ADA2: variants seen among roughly 807,000 people sequenced by gnomAD.
ADA2 encodes adenosine deaminase CECR1.
A neutral mutation model predicts 44.2 loss-of-function variants in ADA2; 29 were observed. That is an observed-to-expected ratio of 0.66 (90% CI 0.49 to 0.89). ADA2 has a LOEUF of 0.89. ADA2 is among the 40% of genes least tolerant of loss of function. The pLI, the probability that ADA2 is intolerant of heterozygous loss-of-function variation, is 0.00. For missense variants in ADA2, 637 were observed against 644.8 expected (o/e 0.99, Z 0.13); for synonymous variants, 215 against 234.9 (o/e 0.92, Z 0.77).
intron 4 of ADA2, chr22:17,199,635 G>T (rs1260738461): frequency 1.9e-6 from 3 of 1,613,706 alleles, no homozygotes; most frequent in African/African-American, 2.7e-5. Flanking sequence ...CGCCATTTGA[G>T]GTGGGCGTGG....
In ADA2 at chr22:17,188,464, G is replaced by A; in HGVS notation, c.973-17C>T. On this transcript the variant is annotated splice_polypyrimidine_tract_variant and intron_variant, in intron 6 of 9. Transcript: ENST00000399837. The stretch of plus-strand genomic sequence containing the variant: ...ATGCCCCACCTGCAGGACAGAGAGG[G>A]ACAGGGAGGTGTCTGCAGGGCGCAT... The A allele has an allele frequency of 1.9e-6, 3 of 1,577,810 alleles. No individual in the cohort carries two copies. The highest frequency in any genetic ancestry group is 2.6e-6 in the Non-Finnish European group (3 of 1,147,588).
Position 17,178,919 on chromosome 22 carries a change from A to G in ADA2, c.*2564T>C, listed in dbSNP as rs1219363337. On this transcript the variant is annotated 3_prime_UTR_variant, in exon 10 of 10. Coordinates refer to ENST00000399837, the MANE Select transcript of ADA2 (RefSeq NM_001282225.2). ...CCTAAAAGATCTTCAGGGATTGGGT[A>G]AGGCACTGAATCACCTGCAGAGTTA... 2.0e-5 allele frequency: 3 copies of G among 152,104 alleles called. No homozygotes were observed. The highest frequency in any genetic ancestry group is 2.1e-4 in the South Asian group (1 of 4,834). 9.4% of individuals were successfully genotyped at this position (152,104 alleles called of 1,614,324 possible).
chr22:17,209,003 C>T (rs1264752542), intron 2 of ADA2, among the ~76,000 whole-genome samples: 4 of 151,778 alleles, frequency 2.6e-5, no homozygotes, highest in East Asian at 2.0e-4. Context: ...TTTATATGTG[C>T]GGGATGCTAA....
chr22:17,182,193 A>T (rs1222140453), intron 8 of ADA2, among the ~76,000 whole-genome samples, 171 bp from the exon 9 acceptor site: 1 of 152,206 alleles, frequency 6.6e-6, no homozygotes, highest in African/African-American at 2.4e-5. Context: ...GAACAGAGCC[A>T]GTCCTTATGC....
At chr22:17,221,638 G>A (rs145318377), upstream of ADA2, 283 of 152,338 alleles carry the variant, frequency 1.9e-3, no homozygotes, top group Non-Finnish European at 3.0e-3. Flanking sequence ...GAGGACTGCA[G>A]GTCCTTGTCA....
At chr22:17,204,865 G>T (rs951740246) in intron 3 of ADA2, among the ~76,000 whole-genome samples, 2 of 147,984 alleles carry the variant, frequency 1.4e-5, no homozygotes, top group African/African-American at 5.0e-5. Context: ...CACAATCACA[G>T]CTCGCTGCAG....
chr22:17,210,243 T>A (rs1481259681), intron 1 of ADA2, among the ~76,000 whole-genome samples: 1 of 140,864 alleles, frequency 7.1e-6, no homozygotes, highest in Non-Finnish European at 1.5e-5. Flanking sequence ...TAGGCTGGAG[T>A]GTAATGGTGT....
intron 8 of ADA2, 96 bp from the exon 9 acceptor site, chr22:17,182,118 A>G: frequency 1.1e-6 from 1 of 915,468 alleles, no homozygotes; most frequent in Admixed American, 2.3e-5. Context: ...AGCTCCCTTC[A>G]TCTTCCCATC....
chr22:17,195,714 T>C lies in ADA2; in HGVS notation c.754-3904A>G, dbSNP rs142056462. ...TCATGTGTCATATCATTCTGACCGA[T>C]AATGCCAATCATGGATTATGTGTTT... is the stretch of plus-strand genomic sequence containing the variant. On this transcript the variant is annotated intron_variant, in intron 4 of 9. Coordinates refer to ENST00000399837, the MANE Select transcript of ADA2 (RefSeq NM_001282225.2). Among the ~76,000 whole-genome samples the C allele has an allele frequency of 4.2e-3, 631 of 151,872 alleles. 6 individuals are homozygous for C. Among genetic ancestry groups the C allele is most frequent in the Middle Eastern group, 6.8e-3 (2 of 294 alleles).
rs1198138443 is a variant in ADA2 at position 17,180,811 on chromosome 22, G to C, written c.*672C>G. ...AGACCACCCAGGAAAAGTGTACAGA[G>C]AGAGAAGAGAAATAAAGAGGAGAGA... On this transcript the variant is annotated 3_prime_UTR_variant, in exon 10 of 10. Coordinates refer to ENST00000399837, the MANE Select transcript of ADA2 (RefSeq NM_001282225.2). 1 of 152,240 alleles carries C rather than the reference G, an allele frequency of 6.6e-6. No individual in the cohort carries two copies. Among genetic ancestry groups the C allele is most frequent in the East Asian group, 1.9e-4 (1 of 5,198 alleles). 9.4% of individuals were successfully genotyped at this position (152,240 alleles called of 1,614,324 possible).
chr22:17,199,435 T>TCCTCTTCCCCTCCCTCCCCACCTCTAA, intron 4 of ADA2: 5 of 994,824 alleles, frequency 5.0e-6, no homozygotes, highest in Non-Finnish European at 8.0e-6. Context: ...CCCTCCTCTA[T>TCCTCTTCCCCTCCCTCCCCACCTCTAA]CCTCTTCCCC....
In ADA2 at chr22:17,215,654, C is replaced by T. The variant is rs139146751; in HGVS notation, c.-47+3702G>A. On this transcript the variant is annotated intron_variant, in intron 1 of 9. Coordinates refer to ENST00000399837, the MANE Select transcript of ADA2 (RefSeq NM_001282225.2). Reference sequence around the variant, plus strand: ...ATCACGTCATTTGCACCAACATGCACGGAACTAGAAGACATAATGTTAAAT... The same window carrying T: ...ATCACGTCATTTGCACCAACATGCATGGAACTAGAAGACATAATGTTAAAT... 4.0e-5 allele frequency among the ~76,000 whole-genome samples: 6 copies of T among 151,528 alleles called. No homozygotes were observed. The East Asian group carries it at 9.7e-4, about 24-fold the overall frequency.
Position 17,183,955 on chromosome 22 carries a change from C to CTTTTTTTTT in ADA2, c.1082-1203_1082-1195dup, listed in dbSNP as rs33921509. Among the ~76,000 whole-genome samples the CTTTTTTTTT allele has an allele frequency of 7.7e-4, 61 of 79,738 alleles. 6 individuals are homozygous for CTTTTTTTTT. Among genetic ancestry groups the CTTTTTTTTT allele is most frequent in the African/African-American group, 1.2e-3 (22 of 19,022 alleles). 52.3% of individuals were successfully genotyped at this position (79,738 alleles called of 152,430 possible). ...CCCCTGCCATCCCCATCACACCTTT[C>CTTTTTTTTT]TTTTTTTTTTTTTTTTTTTTTGAGA... is the stretch of plus-strand genomic sequence containing the variant. On this transcript the variant is annotated intron_variant, in intron 7 of 9. Coordinates refer to ENST00000399837, the MANE Select transcript of ADA2 (RefSeq NM_001282225.2).
chr22:17,207,636 C>T (rs1442580905), intron 2 of ADA2, among the ~76,000 whole-genome samples: 1 of 152,030 alleles, frequency 6.6e-6, no homozygotes, highest in African/African-American at 2.4e-5. Context: ...AGAGGGGCAG[C>T]ATGGGAGAGT....
At chr22:17,193,152 A>G in intron 4 of ADA2, 1 of 1,417,750 alleles carries the variant, frequency 7.1e-7, no homozygotes, top group Admixed American at 1.8e-5. Context: ...CACAACATCA[A>G]GGAGCTGGAA....
At chr22:17,195,393 G>T (rs925833626) in intron 4 of ADA2, among the ~76,000 whole-genome samples, 2 of 152,020 alleles carry the variant, frequency 1.3e-5, no homozygotes, top group Admixed American at 1.3e-4. Flanking sequence ...GCCGGGCGTG[G>T]TGGTGGGCGC....
intron 3 of ADA2, among the ~76,000 whole-genome samples, chr22:17,205,227 C>T (rs1166733918): frequency 6.6e-6 from 1 of 152,084 alleles, no homozygotes; most frequent in Non-Finnish European, 1.5e-5. Context: ...ACCATGTTGG[C>T]CTGGCTGGTT....
At chr22:17,217,979 C>T (rs1195137364) in intron 1 of ADA2, among the ~76,000 whole-genome samples, 1 of 152,154 alleles carries the variant, frequency 6.6e-6, no homozygotes, top group East Asian at 1.9e-4. Flanking sequence ...AAATCACTAA[C>T]GTCTCCAGAT....
intron 7 of ADA2, among the ~76,000 whole-genome samples, chr22:17,185,802 G>A (rs2062029329): frequency 6.6e-6 from 1 of 152,098 alleles, no homozygotes; most frequent in South Asian, 2.1e-4. Context: ...AGCCTGGGTG[G>A]GAAATGAAAT....
Sources: allele counts gnomAD v4.1 joint callset (sites outside exome capture counted in the v4.1 genomes callset), GRCh38; gene constraint gnomAD v4.1.1; transcripts MANE v1.5; gene names NCBI Gene and HGNC (gene_info 2026-07-23, HGNC 2026-07-21).